HERC2: variants seen among roughly 807,000 people sequenced by gnomAD.
HERC2 encodes the protein E3 ubiquitin-protein ligase HERC2.
A neutral mutation model predicts 537.7 loss-of-function variants in HERC2; 102 were observed. The observed-to-expected ratio is 0.19, with a 90% confidence interval of 0.16 to 0.22. HERC2 has a LOEUF of 0.22. Among genes scored for constraint, HERC2 ranks in the 10% least tolerant of loss-of-function variants. The pLI is 1.00. For missense variants in HERC2, 4,236 were observed against 6,198.2 expected, an observed-to-expected ratio of 0.68 and a Z score of 10.63; for synonymous variants, 2,224 against 2,466.2, an observed-to-expected ratio of 0.90 and a Z score of 2.91.
intron 78 of HERC2, among the ~76,000 whole-genome samples, chr15:28,137,034 C>A (rs1890717610): frequency 6.6e-6 from 1 of 151,100 alleles, no homozygotes; most frequent in African/African-American, 2.4e-5. Context: ...TATAAAACAA[C>A]CAAAACAACA....
rs763741757 is a variant in HERC2 at position 28,121,420 on chromosome 15, A to G, written c.13198T>C (p.Phe4400Leu). Reference sequence around the variant, plus strand: ...ATAGTTGCTTGTACTACTTTCCGGAAAGCCGCCTCCTAAAACACATCAAAC... The same window carrying G: ...ATAGTTGCTTGTACTACTTTCCGGAGAGCCGCCTCCTAAAACACATCAAAC... The part of the protein sequence containing the change: ...ILISQGKEAA[F>L]RKVVQATMVR... The change falls in exon 86 of 93, where the codon TTC (phenylalanine) becomes CTC (leucine). Residue 4400 changes from phenylalanine to leucine, a missense_variant. Physicochemically the swap from Phe to Leu is conservative, Grantham distance 22. This residue lies in a region of HERC2 where 189 missense variants were observed against 255.7 expected (regional missense o/e 0.74). Transcript: ENST00000261609. 22 of 1,614,126 alleles carry G rather than the reference A, an allele frequency of 1.4e-5. No homozygotes were observed. In the South Asian group the frequency reaches 2.4e-4, roughly 18 times the overall value.
chr15:28,253,395 T>G (rs569271000), intron 20 of HERC2, among the ~76,000 whole-genome samples: 3 of 152,360 alleles, frequency 2.0e-5, no homozygotes, highest in South Asian at 4.1e-4. Flanking sequence ...AAAAATAACC[T>G]TTCCATGATG....
intron 12 of HERC2, among the ~76,000 whole-genome samples, chr15:28,267,971 A>G (rs1347549246): frequency 1.3e-5 from 2 of 152,186 alleles, no homozygotes; most frequent in East Asian, 3.9e-4. Context: ...CAGACCTCCC[A>G]ATTTTTACAA....
intron 67 of HERC2, 87 bp from the exon 68 acceptor site, chr15:28,167,914 C>T (rs2142493736): frequency 7.2e-7 from 1 of 1,387,044 alleles, no homozygotes; most frequent in Non-Finnish European, 9.8e-7. Flanking sequence ...AAATGCTTTA[C>T]CTAAAACTAC....
chr15:28,267,408 T>C (rs2075598396), intron 12 of HERC2, among the ~76,000 whole-genome samples: 2 of 152,236 alleles, frequency 1.3e-5, no homozygotes, highest in Admixed American at 1.3e-4. Context: ...AAATATTTTA[T>C]AGAAAGTCAG....
Position 28,176,188 on chromosome 15 carries a change from G to GGAAA in HERC2, c.9686+236_9686+239dup, listed in dbSNP as rs1360385449. Reference sequence around the variant, plus strand: ...CGTTCCCATAAATCTCACCCAAACAGGAAAGGTAAGTGGCCTAAAATTTTT... The same window carrying GGAAA: ...CGTTCCCATAAATCTCACCCAAACAGGAAAGAAAGGTAAGTGGCCTAAAATTTTT... On this transcript the variant is annotated intron_variant, in intron 63 of 92. Coordinates refer to ENST00000261609, the MANE Select transcript of HERC2 (RefSeq NM_004667.6). The surrounding 1 kb of genome is among the most constrained non-coding windows in gnomAD (Gnocchi z 5.0). Among the ~76,000 whole-genome samples the GGAAA allele has an allele frequency of 3.9e-5, 6 of 152,192 alleles. No homozygotes were observed. Among genetic ancestry groups the GGAAA allele is most frequent in the Admixed American group, 2.0e-4 (3 of 15,286 alleles).
At position 28,253,522 on chromosome 15, in the gene HERC2, C is replaced by T. The variant is rs184624000; in HGVS notation, c.3050+818G>A. Reference sequence around the variant, plus strand: ...ATCATCACACCCTCCAACTTCTCCTCTCACCTATATTGAAAAGGGTCTGCT... The same window carrying T: ...ATCATCACACCCTCCAACTTCTCCTTTCACCTATATTGAAAAGGGTCTGCT... On this transcript the variant is annotated intron_variant, in intron 20 of 92. Transcript: ENST00000261609. 2.4e-3 allele frequency among the ~76,000 whole-genome samples: 368 copies of T among 152,352 alleles called. 1 individual carries two copies. Among genetic ancestry groups the T allele is most frequent in the African/African-American group, 8.6e-3 (356 of 41,588 alleles).
chr15:28,215,862 T>C (rs577859102), intron 38 of HERC2, 60 bp from the exon 39 acceptor site: 15 of 1,029,232 alleles, frequency 1.5e-5, no homozygotes, highest in Non-Finnish European at 2.2e-5. Context: ...TCCCTAAAGA[T>C]ATATCCTTAT....
intron 3 of HERC2, among the ~76,000 whole-genome samples, chr15:28,298,805 A>AAAG (rs754026839): frequency 6.6e-5 from 10 of 152,128 alleles, no homozygotes; most frequent in African/African-American, 2.4e-4. Context: ...CCCCCAAAAA[A>AAAG]AAGAAGAAGA....
rs530696539 is a variant in HERC2, at chr15:28,266,034, G to T, written c.1599-60C>A. On this transcript the variant is annotated intron_variant, in intron 12 of 92. Coordinates refer to ENST00000261609, the MANE Select transcript of HERC2 (RefSeq NM_004667.6). ...CTTCTTGGTGTTATTTCTTATTAAT[G>T]TTAACAAAGGAAATTCACTATCCAA... 1.4e-4 allele frequency: 222 copies of T among 1,561,704 alleles called. 1 individual carries two copies. In the South Asian group the frequency reaches 2.3e-3, roughly 17 times the overall value.
chr15:28,146,624 A>G (rs1294880219), intron 70 of HERC2, among the ~76,000 whole-genome samples: 1 of 151,390 alleles, frequency 6.6e-6, no homozygotes, highest in Non-Finnish European at 1.5e-5. Flanking sequence ...CACTCCCCTG[A>G]TCAAGCTTTA....
rs1463917749 is a variant in HERC2, at chr15:28,266,941, G to T, written c.1599-967C>A. On this transcript the variant is annotated intron_variant, in intron 12 of 92. Transcript: ENST00000261609. ...TCATAAAGCTGACCGACATTTATAT[G>T]TATTTGTTAAATGAATGTGGATGGA... is the stretch of plus-strand genomic sequence containing the variant. Among the ~76,000 whole-genome samples, 3 of 152,138 alleles carry T rather than the reference G, an allele frequency of 2.0e-5. No individual in the cohort carries two copies. In the East Asian group the frequency reaches 5.8e-4, roughly 29 times the overall value.
At chr15:28,126,833 C>T (rs920465433) in intron 83 of HERC2, among the ~76,000 whole-genome samples, 5 of 152,152 alleles carry the variant, frequency 3.3e-5, no homozygotes, top group African/African-American at 1.2e-4. Flanking sequence ...TGTAACCAAA[C>T]ACCACCTGTT....
intron 2 of HERC2, among the ~76,000 whole-genome samples, chr15:28,309,949 C>T (rs1037256127): frequency 1.2e-4 from 18 of 152,204 alleles, no homozygotes; most frequent in Non-Finnish European, 2.5e-4. Context: ...ATACTTGGAA[C>T]CAAAACATAC....
At chr15:28,250,294 G>T (rs558441082) in intron 20 of HERC2, among the ~76,000 whole-genome samples, 1 of 151,998 alleles carries the variant, frequency 6.6e-6, no homozygotes, top group Non-Finnish European at 1.5e-5. Flanking sequence ...CATCACACAC[G>T]GCAAGGATGC....
rs1567048694 is a variant in HERC2, at chr15:28,233,358, G to A, written c.4480-17C>T. The A allele has an allele frequency of 7.5e-7, 1 of 1,342,216 alleles. No individual in the cohort carries two copies. The highest frequency in any genetic ancestry group is 1.1e-6 in the Non-Finnish European group (1 of 943,762). 83.1% of individuals were successfully genotyped at this position (1,342,216 alleles called of 1,614,324 possible). On this transcript the variant is annotated splice_polypyrimidine_tract_variant and intron_variant, in intron 29 of 92. Coordinates refer to ENST00000261609, the MANE Select transcript of HERC2 (RefSeq NM_004667.6). ...TTGATGAGTCTGCAAAGTTAACCAG[G>A]AAAAGACAACTTTAACAACAAATAT... is the stretch of plus-strand genomic sequence containing the variant.
rs1895373679 is a variant in HERC2, at chr15:28,177,226, G to C, written c.9255-99C>G. ...ACTGATCCACATGTAGTCAACACAG[G>C]ATCCACAGATCAACTATCAAAACTT... On this transcript the variant is annotated intron_variant, in intron 60 of 92. Coordinates refer to ENST00000261609, the MANE Select transcript of HERC2 (RefSeq NM_004667.6). The surrounding 1 kb of genome is among the most constrained non-coding windows in gnomAD (Gnocchi z 5.0). 1 of 1,288,386 alleles carries C rather than the reference G, an allele frequency of 7.8e-7. No homozygotes were observed. Among genetic ancestry groups the C allele is most frequent in the Non-Finnish European group, 1.1e-6 (1 of 924,470 alleles). 79.8% of individuals were successfully genotyped at this position (1,288,386 alleles called of 1,614,324 possible).
intron 4 of HERC2, among the ~76,000 whole-genome samples, chr15:28,288,312 G>C (rs2076215240): frequency 1.3e-5 from 2 of 151,802 alleles, no homozygotes; most frequent in African/African-American, 4.8e-5. Context: ...GATCACCTGA[G>C]GTCAGGAGTT....
chr15:28,224,425 T>C (rs1270387840), intron 35 of HERC2, among the ~76,000 whole-genome samples: 1 of 152,200 alleles, frequency 6.6e-6, no homozygotes, highest in Non-Finnish European at 1.5e-5. Context: ...TTTCTCTATG[T>C]TGCCCAAGTT....
Sources: gnomAD v4.1 joint callset for allele counts (sites outside exome capture counted in the v4.1 genomes callset) on GRCh38, gnomAD v4.1.1 for gene constraint, gnomAD v4.1.1 regional missense constraint, Gnocchi (gnomAD v3.1) non-coding constraint, MANE v1.5 for transcripts, NCBI Gene and HGNC (gene_info 2026-07-23, HGNC 2026-07-21) for gene names.